The following CCL17 variants were observed in gnomAD, a reference collection of about 807,000 sequenced individuals.
CCL17 encodes C-C motif chemokine ligand 17.
A neutral mutation model predicts 7.4 loss-of-function variants in CCL17; 8 were observed. The ratio of observed to expected loss-of-function variants is 1.09; its 90% CI spans 0.64 to 1.96. CCL17 has a LOEUF of 1.96. CCL17 is among the 30% of genes most tolerant of loss of function. CCL17 has a pLI of 0.00. For synonymous variants in CCL17, 40 were observed against 46.1 expected (o/e 0.87, Z 0.54); for missense variants, 102 against 113.0 (o/e 0.90, Z 0.44).
At chr16:57,409,985 C>T (rs1328693093) in intron 1 of CCL17, among the ~76,000 whole-genome samples, 3 of 152,182 alleles carry the variant, frequency 2.0e-5, no homozygotes, top group East Asian at 1.9e-4. Context: ...CGGGAGACCT[C>T]GGGCAAGTCA....
intron 1 of CCL17, among the ~76,000 whole-genome samples, chr16:57,408,995 C>T (rs1414401724): frequency 6.6e-6 from 1 of 152,156 alleles, no homozygotes; most frequent in Non-Finnish European, 1.5e-5. Context: ...CAGGTGTGAG[C>T]CACCAAACTG....
the CCL17 span, among the ~76,000 whole-genome samples, chr16:57,397,110 A>G: frequency 6.6e-5 from 10 of 152,222 alleles, no homozygotes; most frequent in Admixed American, 6.5e-4. Context: ...ACTTAGGCAT[A>G]TGAGAGACGT....
upstream of CCL17, among the ~76,000 whole-genome samples, chr16:57,403,554 T>TATTATAATATATATTTATA (rs1902643444): frequency 3.5e-5 from 1 of 28,492 alleles, no homozygotes; most frequent in African/African-American, 2.8e-4. Context: ...ATATATTTTA[T>TATTATAATATATATTTATA]ATATATATAA....
chr16:57,402,449 G>A (rs537998217), upstream of CCL17, among the ~76,000 whole-genome samples: 5 of 152,302 alleles, frequency 3.3e-5, no homozygotes, highest in South Asian at 1.0e-3. Context: ...AGAGGGTCGA[G>A]TTTGGCAGGA....
At chr16:57,397,259 C>T in the CCL17 span, among the ~76,000 whole-genome samples, 1 of 152,214 alleles carries the variant, frequency 6.6e-6, no homozygotes, top group South Asian at 2.1e-4. Context: ...AGATTTGGCC[C>T]TGTAAATAGG....
At chr16:57,410,411 A>G (rs1478872348) in intron 1 of CCL17, among the ~76,000 whole-genome samples, 1 of 152,040 alleles carries the variant, frequency 6.6e-6, no homozygotes, top group Admixed American at 6.6e-5. Flanking sequence ...CTCAGATCCA[A>G]TTACCCTTCA....
chr16:57,414,079 T>C (rs1902828587), intron 2 of CCL17, 77 bp downstream of exon 2: 5 of 1,142,956 alleles, frequency 4.4e-6, no homozygotes, highest in Non-Finnish European at 6.3e-6. Flanking sequence ...ACCACAGCAA[T>C]ACACACGTTT....
chr16:57,415,758 T>C lies in CCL17; in HGVS notation c.189-7T>C. The C allele has an allele frequency of 6.3e-7, 1 of 1,593,110 alleles. No homozygotes were observed. The highest frequency in any genetic ancestry group is 8.6e-7 in the Non-Finnish European group (1 of 1,160,862). Reference sequence around the variant, plus strand: ...GCCACTCCTGGTAACGTCCTCCTTCTGTGTAGTTTTGTAACTGTGCAGGGC... The same window carrying C: ...GCCACTCCTGGTAACGTCCTCCTTCCGTGTAGTTTTGTAACTGTGCAGGGC... On this transcript the variant is annotated splice_polypyrimidine_tract_variant and splice_region_variant and intron_variant, in intron 3 of 3. Transcript: ENST00000219244. This position sits in a 1 kb window ranked among gnomAD's most constrained non-coding sequence, Gnocchi z 4.5.
At chr16:57,400,968 C>CA (rs142873627), upstream of CCL17, among the ~76,000 whole-genome samples, 318 of 133,806 alleles carry the variant, frequency 2.4e-3, no homozygotes, top group African/African-American at 6.2e-3. Flanking sequence ...GACCCCATCT[C>CA]AAAAAAAAAA....
chr16:57,408,491 A>G (rs1209342287), intron 1 of CCL17, among the ~76,000 whole-genome samples: 1 of 152,180 alleles, frequency 6.6e-6, no homozygotes, highest in African/African-American at 2.4e-5. Context: ...GGCTCACTGC[A>G]GCCTCAACTT....
intron 1 of CCL17, among the ~76,000 whole-genome samples, chr16:57,408,969 G>A (rs527374622): frequency 4.6e-5 from 7 of 152,190 alleles, no homozygotes; most frequent in Admixed American, 1.3e-4. Flanking sequence ...CTCTGCCTCC[G>A]AAAGTATTGG....
chr16:57,400,686 G>A (rs544385557), upstream of CCL17, among the ~76,000 whole-genome samples: 23 of 152,050 alleles, frequency 1.5e-4, no homozygotes, highest in South Asian at 3.1e-3. Flanking sequence ...AAATTTACCC[G>A]GGCCGGGCAC....
upstream of CCL17, among the ~76,000 whole-genome samples, chr16:57,399,933 A>T (rs1187621934): frequency 6.6e-6 from 1 of 152,208 alleles, no homozygotes; most frequent in Non-Finnish European, 1.5e-5. Context: ...TCACTGAGAC[A>T]CCAAGTATTG....
upstream of CCL17, among the ~76,000 whole-genome samples, chr16:57,404,055 A>C (rs1450643029): frequency 6.6e-6 from 1 of 152,080 alleles, no homozygotes; most frequent in African/African-American, 2.4e-5. Context: ...CTCAGGAAGG[A>C]GCATGTCTGT....
At chr16:57,405,877 C>CA (rs35155439) in intron 1 of CCL17, among the ~76,000 whole-genome samples, 92,897 of 140,202 alleles carry the variant, frequency 0.66, 32,465 homozygotes, top group Non-Finnish European at 0.81. Context: ...ACTAAAAATA[C>CA]AAAAAAAAAA....
intron 1 of CCL17, among the ~76,000 whole-genome samples, chr16:57,413,042 G>T (rs1282072248): frequency 6.6e-6 from 1 of 152,216 alleles, no homozygotes; most frequent in Non-Finnish European, 1.5e-5. Flanking sequence ...GCCTGGCTCA[G>T]GCTGGACCCT....
chr16:57,402,294 C>A (rs569165506), upstream of CCL17, among the ~76,000 whole-genome samples: 37 of 152,326 alleles, frequency 2.4e-4, no homozygotes, highest in African/African-American at 8.2e-4. Flanking sequence ...CCATTCCCTG[C>A]TGGCTTTTGC....
upstream of CCL17, among the ~76,000 whole-genome samples, chr16:57,400,612 T>C (rs1902579131): frequency 6.6e-6 from 1 of 152,148 alleles, no homozygotes; most frequent in Non-Finnish European, 1.5e-5. Context: ...TATGGGAGCA[T>C]TGGGCTGGTT....
Position 57,415,313 on chromosome 16 carries a change from C to T in CCL17, c.188+115C>T, listed in dbSNP as rs1199090197. 5.4e-6 allele frequency: 4 copies of T among 737,728 alleles called. No homozygotes were observed. The highest frequency in any genetic ancestry group is 9.7e-6 in the Non-Finnish European group (4 of 411,630). 45.7% of individuals were successfully genotyped at this position (737,728 alleles called of 1,614,324 possible). On this transcript the variant is annotated intron_variant, in intron 3 of 3. Coordinates refer to ENST00000219244, the MANE Select transcript of CCL17 (RefSeq NM_002987.3). This position sits in a 1 kb window ranked among gnomAD's most constrained non-coding sequence, Gnocchi z 4.5. Reference sequence around the variant, plus strand: ...GGGAAGAGACAGCGGGGCCTTCCTCCCCAACCCCTGCAGGCTCCCCACACT... The same window carrying T: ...GGGAAGAGACAGCGGGGCCTTCCTCTCCAACCCCTGCAGGCTCCCCACACT...
Sources: gnomAD v4.1 joint callset for allele counts (sites outside exome capture counted in the v4.1 genomes callset) on GRCh38, gnomAD v4.1.1 for gene constraint, Gnocchi (gnomAD v3.1) non-coding constraint, MANE v1.5 for transcripts, NCBI Gene and HGNC (gene_info 2026-07-23, HGNC 2026-07-21) for gene names.